The following MEGF10 variants were observed in gnomAD, a reference collection of about 807,000 sequenced individuals.
MEGF10 encodes the protein multiple epidermal growth factor-like domains protein 10.
MEGF10 carries 86 observed loss-of-function variants against 147.5 expected under a neutral mutation model. That is an observed-to-expected ratio of 0.58 (90% confidence interval 0.49 to 0.70). MEGF10 has a LOEUF of 0.70. Ranked by LOEUF, MEGF10 falls within the 30% of genes least tolerant of loss-of-function variation. The pLI, the probability that MEGF10 is intolerant of heterozygous loss-of-function variation, is 0.00. For missense variants in MEGF10, 1,329 were observed against 1,487.3 expected (o/e 0.89, Z 1.75); for synonymous variants, 478 against 525.5 (o/e 0.91, Z 1.24).
chr5:127,342,539 G>T (rs1337416344), intron 4 of MEGF10, among the ~76,000 whole-genome samples: 3 of 152,080 alleles, frequency 2.0e-5, no homozygotes, highest in Non-Finnish European at 4.4e-5. Flanking sequence ...CAAGCTGGTG[G>T]GGGGGTGTAG....
At chr5:127,351,825 C>T (rs1285811577) in intron 4 of MEGF10, among the ~76,000 whole-genome samples, 6 of 152,186 alleles carry the variant, frequency 3.9e-5, no homozygotes, top group African/African-American at 1.4e-4. Context: ...ATTTCACTTC[C>T]AAACATAGCC....
the MEGF10 span, among the ~76,000 whole-genome samples, chr5:127,247,947 G>A: frequency 3.3e-5 from 5 of 152,170 alleles, no homozygotes; most frequent in African/African-American, 4.8e-5. Flanking sequence ...GGCTTTACAC[G>A]TCAGGTCGAG....
chr5:127,383,443 C>T (rs916924515), intron 5 of MEGF10, among the ~76,000 whole-genome samples: 1 of 151,200 alleles, frequency 6.6e-6, no homozygotes, highest in East Asian at 1.9e-4. Context: ...ACTCCAGCCT[C>T]GGAGACAGAG....
At chr5:127,391,102 G>GCACACACACACACA (rs70997334) in intron 5 of MEGF10, among the ~76,000 whole-genome samples, 5 of 53,888 alleles carry the variant, frequency 9.3e-5, no homozygotes, top group South Asian at 1.2e-3. Flanking sequence ...GCGCGCGCGC[G>GCACACACACACACA]CACACACACA....
chr5:127,422,681 C>A lies in MEGF10; in HGVS notation c.1602C>A (p.Tyr534Ter). 6.2e-7 allele frequency: 1 copy of A among 1,613,810 alleles called. No homozygotes were observed. Among genetic ancestry groups the A allele is most frequent in the Non-Finnish European group, 8.5e-7 (1 of 1,179,758 alleles). Residue 534 changes from tyrosine to a stop codon, truncating the protein, a stop_gained, in exon 13 of 25, where the codon TAC (tyrosine) becomes TAA (stop). Coordinates refer to ENST00000503335, the MANE Select transcript of MEGF10 (RefSeq NM_001256545.2). LOFTEE classifies it high-confidence loss of function. The stretch of plus-strand genomic sequence containing the variant: ...TGTTTTCCATGCAGGATGGCACGTA[C>A]GGGCTGAACTGTGCTGAGCGCTGCG... The part of the protein sequence containing the change: ...KCELPCQDGT[Y>*]GLNCAERCDC...
intron 1 of MEGF10, among the ~76,000 whole-genome samples, chr5:127,302,376 A>C (rs935299232): frequency 6.6e-6 from 1 of 152,214 alleles, no homozygotes; most frequent in Non-Finnish European, 1.5e-5. Flanking sequence ...TAGACACAAA[A>C]GACCACATAT....
chr5:127,421,404 G>T (rs1764997756), intron 12 of MEGF10, among the ~76,000 whole-genome samples: 1 of 152,132 alleles, frequency 6.6e-6, no homozygotes, highest in Admixed American at 6.5e-5. Flanking sequence ...GTCTATGCTG[G>T]TTCCCATGTT....
At chr5:127,250,165 G>A in the MEGF10 span, among the ~76,000 whole-genome samples, 2 of 151,690 alleles carry the variant, frequency 1.3e-5, no homozygotes, top group Non-Finnish European at 2.9e-5. Flanking sequence ...GTTAATATTG[G>A]GCAAAATAGA....
intron 5 of MEGF10, among the ~76,000 whole-genome samples, chr5:127,391,153 C>T (rs912211133): frequency 1.3e-3 from 53 of 40,508 alleles, no homozygotes; most frequent in African/African-American, 3.0e-3. Context: ...CACACACACA[C>T]ATACATGCTT....
chr5:127,439,147 A>C (rs535305227), intron 17 of MEGF10, among the ~76,000 whole-genome samples: 31 of 152,300 alleles, frequency 2.0e-4, no homozygotes, highest in Non-Finnish European at 3.2e-4. Context: ...CCACTGCCCT[A>C]GTTCTTTTCC....
chr5:127,459,000 C>G lies in MEGF10; in HGVS notation c.*1682C>G, dbSNP rs1367111214. On this transcript the variant is annotated 3_prime_UTR_variant, in exon 25 of 25. Transcript: ENST00000503335. ...AGCCAGTTTCCCTTTTGTTGATCTACTTGACCAAGCAAAGGGGCTGAAAAA... is the reference window on the plus strand; with the variant it reads ...AGCCAGTTTCCCTTTTGTTGATCTAGTTGACCAAGCAAAGGGGCTGAAAAA... 1 of 152,156 alleles carries G rather than the reference C, an allele frequency of 6.6e-6. No homozygotes were observed. The highest frequency in any genetic ancestry group is 2.4e-5 in the African/African-American group (1 of 41,430). The allele number at this position is 152,156 out of a possible 1,614,324, so 9.4% of individuals were successfully genotyped here. A position where few individuals can be genotyped will look rare whatever the true frequency, so the allele number is the denominator to read the frequency against.
At chr5:127,393,310 C>T (rs1763774083) in intron 5 of MEGF10, among the ~76,000 whole-genome samples, 1 of 152,210 alleles carries the variant, frequency 6.6e-6, no homozygotes, top group Non-Finnish European at 1.5e-5. Flanking sequence ...CTGCACTAAA[C>T]ATAAGGAATG....
intron 1 of MEGF10, among the ~76,000 whole-genome samples, chr5:127,325,307 T>C (rs1760967333): frequency 6.6e-6 from 1 of 152,186 alleles, no homozygotes; most frequent in Non-Finnish European, 1.5e-5. Context: ...TAAGCTATTA[T>C]GGGCAGAGAC....
intron 8 of MEGF10, among the ~76,000 whole-genome samples, chr5:127,407,971 A>G (rs1333169035): frequency 2.6e-5 from 4 of 152,258 alleles, no homozygotes; most frequent in Non-Finnish European, 5.9e-5. Flanking sequence ...ATATGAATCC[A>G]GCTTAAATAA....
At chr5:127,410,304 C>T (rs1301841131) in intron 8 of MEGF10, 85 bp from the exon 9 acceptor site, 1 of 1,286,556 alleles carries the variant, frequency 7.8e-7, no homozygotes, top group Non-Finnish European at 1.1e-6. Context: ...TCGATTTATG[C>T]ATAACAAAGC....
At chr5:127,288,632 C>G (rs1030763817), upstream of MEGF10, among the ~76,000 whole-genome samples, 1 of 152,110 alleles carries the variant, frequency 6.6e-6, no homozygotes. Context: ...TCATATCTTG[C>G]TGGTGAGAAT....
chr5:127,354,060 A>G (rs904167610), intron 4 of MEGF10, among the ~76,000 whole-genome samples: 3 of 152,250 alleles, frequency 2.0e-5, no homozygotes, highest in Non-Finnish European at 4.4e-5. Flanking sequence ...CAGAGCAGTG[A>G]ATGAATATTC....
At chr5:127,299,512 T>G (rs1198410610) in intron 1 of MEGF10, among the ~76,000 whole-genome samples, 1 of 152,188 alleles carries the variant, frequency 6.6e-6, no homozygotes, top group African/African-American at 2.4e-5. Context: ...AATCTAATCC[T>G]GAGCCCAACA....
chr5:127,298,277 C>T (rs1407566794), intron 1 of MEGF10, among the ~76,000 whole-genome samples: 2 of 152,180 alleles, frequency 1.3e-5, no homozygotes, highest in Non-Finnish European at 2.9e-5. Context: ...TGATGACCCA[C>T]ACCCACATTC....
Sources: gnomAD v4.1 joint callset for allele counts (sites outside exome capture counted in the v4.1 genomes callset) on GRCh38, gnomAD v4.1.1 for gene constraint, MANE v1.5 for transcripts, NCBI Gene and HGNC (gene_info 2026-07-23, HGNC 2026-07-21) for gene names.